The following SPSB1 variants were observed in gnomAD, a reference collection of about 807,000 sequenced individuals.
The protein encoded by SPSB1 is splA/ryanodine receptor domain and SOCS box containing 1, also known as SPRY domain-containing SOCS box protein 1.
A neutral mutation model predicts 21.2 loss-of-function variants in SPSB1; 8 were observed. The observed-to-expected ratio is 0.38, with a 90% CI of 0.22 to 0.68. The LOEUF is 0.68. SPSB1 is among the 30% of genes least tolerant of loss of function. The probability of loss-of-function intolerance (pLI) is 0.53; values close to 1 mark genes in which losing one functional copy is unlikely to be tolerated. For synonymous variants in SPSB1, 169 were observed against 161.7 expected (o/e 1.05, Z -0.34); for missense variants, 242 against 377.8 (o/e 0.64, Z 2.98).
chr1:9,361,156 C>CTTTTTTTTTTTTTT lies in SPSB1; in HGVS notation c.694+4585_694+4598dup, dbSNP rs57871457. ...CAGGCATGGCTGGATCTGTCATTTT[C>CTTTTTTTTTTTTTT]TTTTTTTTTTTTTTTTTTTTTTTTT... On this transcript the variant is annotated intron_variant, in intron 2 of 2. Coordinates refer to ENST00000328089, the MANE Select transcript of SPSB1 (RefSeq NM_025106.4). Among the ~76,000 whole-genome samples the CTTTTTTTTTTTTTT allele has an allele frequency of 8.8e-5, 9 of 102,578 alleles. 1 individual carries two copies. The highest frequency in any genetic ancestry group is 3.3e-4 in the African/African-American group (8 of 24,200). The allele number at this position is 102,578 out of a possible 152,430, so 67.3% of individuals were successfully genotyped here. A position where few individuals can be genotyped will look rare whatever the true frequency, so the allele number is the denominator to read the frequency against.
At chr1:9,351,756 G>A (rs756237714) in intron 1 of SPSB1, 5 of 152,358 alleles carry the variant, frequency 3.3e-5, no homozygotes, top group Admixed American at 6.5e-5. Flanking sequence ...AAGTTGGGAA[G>A]GCACTGTCAT....
At position 9,368,030 on chromosome 1, in the gene SPSB1, C is replaced by A. The variant is rs1043135971; in HGVS notation, c.*455C>A. ...AGGTGCTTAGACAAGGGCTGGTGCC[C>A]GGCCCAGGGTGCCCAGCGGGGCCAT... On this transcript the variant is annotated 3_prime_UTR_variant, in exon 3 of 3. Transcript: ENST00000328089. The A allele has an allele frequency of 6.1e-6, 1 of 164,490 alleles. No individual in the cohort carries two copies. Among genetic ancestry groups the A allele is most frequent in the African/African-American group, 2.4e-5 (1 of 41,514 alleles). 10.2% of individuals were successfully genotyped at this position (164,490 alleles called of 1,614,324 possible). A position where few individuals can be genotyped will look rare whatever the true frequency, so the allele number is the denominator to read the frequency against.
chr1:9,311,604 C>T (rs1639520909), intron 1 of SPSB1, among the ~76,000 whole-genome samples: 1 of 152,164 alleles, frequency 6.6e-6, no homozygotes, highest in Non-Finnish European at 1.5e-5. Context: ...CAGTCTCACT[C>T]TTATCTCTAG....
At chr1:9,328,588 A>G (rs931892866) in intron 1 of SPSB1, among the ~76,000 whole-genome samples, 4 of 152,236 alleles carry the variant, frequency 2.6e-5, no homozygotes, top group South Asian at 2.1e-4. Context: ...CGTTCGGGGT[A>G]ACCCAGAGGC....
chr1:9,340,814 C>A (rs1406706262), intron 1 of SPSB1, among the ~76,000 whole-genome samples: 1 of 152,250 alleles, frequency 6.6e-6, no homozygotes, highest in Non-Finnish European at 1.5e-5. Context: ...CTCAACGCAG[C>A]CTGTCTGATG....
chr1:9,356,231 G>A lies in SPSB1; in HGVS notation c.340G>A (p.Val114Met), dbSNP rs745468790. 31 of 1,604,216 alleles carry A rather than the reference G, an allele frequency of 1.9e-5. No homozygotes were observed. The South Asian group carries it at 2.0e-4, about 10-fold the overall frequency. ...CATGAGACAGCGGGGCACACACGCCGTGGTGGGGGTGGCGACGGCAGACGC... is the reference window on the plus strand; with the variant it reads ...CATGAGACAGCGGGGCACACACGCCATGGTGGGGGTGGCGACGGCAGACGC... The part of the protein sequence containing the change: ...WAMRQRGTHA[V>M]VGVATADAPL... Residue 114 changes from valine to methionine, a missense_variant, in exon 2 of 3, where the codon GTG (valine) becomes ATG (methionine). Physicochemically the swap from Val to Met is conservative, Grantham distance 21 (BLOSUM62 1). Transcript: ENST00000328089. The surrounding 1 kb of genome is among the most constrained non-coding windows in gnomAD (Gnocchi z 7.4).
rs1453770857 is a variant in SPSB1, at chr1:9,293,281, C to T, written c.-150+210C>T. ...GCGGTGGCTCCGGGGGCGCCTCCCT[C>T]GCCGCGGCTCCTGGGAGAGGGGCCC... On this transcript the variant is annotated intron_variant, in intron 1 of 2. Transcript: ENST00000328089. The surrounding 1 kb of genome is among the most constrained non-coding windows in gnomAD (Gnocchi z 5.1). 2.7e-5 allele frequency among the ~76,000 whole-genome samples: 4 copies of T among 148,458 alleles called. No homozygotes were observed. Among genetic ancestry groups the T allele is most frequent in the Admixed American group, 6.7e-5 (1 of 14,994 alleles).
intron 1 of SPSB1, among the ~76,000 whole-genome samples, chr1:9,295,516 C>T (rs991730281): frequency 2.6e-5 from 4 of 152,108 alleles, no homozygotes; most frequent in South Asian, 2.1e-4. Flanking sequence ...TGGGTGAGGC[C>T]GTTTCTTGGG....
intron 1 of SPSB1, among the ~76,000 whole-genome samples, chr1:9,338,026 C>T (rs1255928238): frequency 6.6e-6 from 1 of 152,224 alleles, no homozygotes; most frequent in Non-Finnish European, 1.5e-5. Flanking sequence ...ATGTCCCCAC[C>T]TCCTCAGCTG....
In SPSB1 at chr1:9,306,467, C is replaced by T. The variant is rs183542464; in HGVS notation, c.-150+13396C>T. ...TGGGGTCAGTGACAATAGCCATCAA[C>T]GATGTGGCATATCTGAGCACACTTC... On this transcript the variant is annotated intron_variant, in intron 1 of 2. Coordinates refer to ENST00000328089, the MANE Select transcript of SPSB1 (RefSeq NM_025106.4). Among the ~76,000 whole-genome samples the T allele has an allele frequency of 6.8e-4, 103 of 152,234 alleles. 1 individual carries two copies. Among genetic ancestry groups the T allele is most frequent in the African/African-American group, 2.4e-3 (99 of 41,526 alleles).
At chr1:9,328,858 T>C (rs769868075) in intron 1 of SPSB1, among the ~76,000 whole-genome samples, 35 of 152,180 alleles carry the variant, frequency 2.3e-4, no homozygotes, top group Non-Finnish European at 4.3e-4. Flanking sequence ...GCTGGGCGTT[T>C]AGCAATATCC....
chr1:9,312,309 G>A (rs1023061606), intron 1 of SPSB1, among the ~76,000 whole-genome samples: 6 of 152,154 alleles, frequency 3.9e-5, no homozygotes, highest in South Asian at 2.1e-4. Flanking sequence ...TTACAGGCAC[G>A]AGCCATTGTG....
chr1:9,340,542 T>C (rs1640073997), intron 1 of SPSB1, among the ~76,000 whole-genome samples: 1 of 152,224 alleles, frequency 6.6e-6, no homozygotes. Context: ...AGAAATAGTG[T>C]GTTCGGCAGA....
intron 1 of SPSB1, among the ~76,000 whole-genome samples, chr1:9,319,373 C>T (rs1385157372): frequency 6.6e-6 from 1 of 152,130 alleles, no homozygotes; most frequent in African/African-American, 2.4e-5. Flanking sequence ...CCAGCCCCCA[C>T]AGGTCAGGTG....
chr1:9,307,116 T>C (rs993688467), intron 1 of SPSB1, among the ~76,000 whole-genome samples: 5 of 151,794 alleles, frequency 3.3e-5, no homozygotes, highest in African/African-American at 7.3e-5. Context: ...TTAGTAGAGA[T>C]GGGGTTTCAC....
intron 1 of SPSB1, among the ~76,000 whole-genome samples, chr1:9,306,190 C>T (rs1372746360): frequency 6.6e-6 from 1 of 152,212 alleles, no homozygotes; most frequent in Non-Finnish European, 1.5e-5. Context: ...AGGCGATTGC[C>T]TGTTGCCATC....
rs1009398625 is a variant in SPSB1, at chr1:9,350,397, G to T, written c.-149-5346G>T. The stretch of plus-strand genomic sequence containing the variant: ...GCTGTGCAGAGGAGGAGGCAGGCGC[G>T]GTCCTGGGGACGTGGTGACTAATGC... On this transcript the variant is annotated intron_variant, in intron 1 of 2. Transcript: ENST00000328089. 2.0e-5 allele frequency among the ~76,000 whole-genome samples: 3 copies of T among 152,208 alleles called. No individual in the cohort carries two copies. In the South Asian group the frequency reaches 6.2e-4, roughly 32 times the overall value.
At position 9,356,266 on chromosome 1, in the gene SPSB1, C is replaced by T. The variant is rs1177526073; in HGVS notation, c.375C>T (p.His125=). Residue 125 remains histidine (H), a synonymous_variant, in exon 2 of 3, where the codon CAC becomes CAT. Coordinates refer to ENST00000328089, the MANE Select transcript of SPSB1 (RefSeq NM_025106.4). The surrounding 1 kb of genome is among the most constrained non-coding windows in gnomAD (Gnocchi z 7.4). ...TGGCGACGGCAGACGCCCCCCTGCA[C>T]TCTGTCGGGTACACAACCCTCGTGG... ...VGVATADAPL[H]SVGYTTLVGN... The T allele has an allele frequency of 1.9e-6, 3 of 1,612,630 alleles. No homozygotes were observed. Among genetic ancestry groups the T allele is most frequent in the African/African-American group, 1.3e-5 (1 of 74,928 alleles).
At position 9,369,201 on chromosome 1, in the gene SPSB1, G is replaced by A. The variant is rs567087057; in HGVS notation, c.*1626G>A. 7.5e-6 allele frequency: 1 copy of A among 132,680 alleles called. No homozygotes were observed. Among genetic ancestry groups the A allele is most frequent in the South Asian group, 2.3e-4 (1 of 4,368 alleles). The allele number at this position is 132,680 out of a possible 1,614,324, so 8.2% of individuals were successfully genotyped here. The stretch of plus-strand genomic sequence containing the variant: ...ATGTACATTACCCCCTTATTATTTT[G>A]ACGGTTTTTTTTTTCGGGGCAGGGG... On this transcript the variant is annotated 3_prime_UTR_variant, in exon 3 of 3. Coordinates refer to ENST00000328089, the MANE Select transcript of SPSB1 (RefSeq NM_025106.4).
Sources: allele counts gnomAD v4.1 joint callset (sites outside exome capture counted in the v4.1 genomes callset), GRCh38; gene constraint gnomAD v4.1.1; non-coding constraint Gnocchi (gnomAD v3.1); transcripts MANE v1.5; gene names NCBI Gene and HGNC (gene_info 2026-07-23, HGNC 2026-07-21).